FBXL7: variants seen among roughly 807,000 people sequenced by gnomAD.
FBXL7 encodes F-box and leucine rich repeat protein 7, also known as F-box/LRR-repeat protein 7.
FBXL7 carries 12 observed loss-of-function variants against 38.3 expected under a neutral mutation model. The ratio of observed to expected loss-of-function variants is 0.31; its 90% CI spans 0.20 to 0.51. The LOEUF (loss-of-function observed/expected upper bound fraction) is 0.51, where lower values mean the gene tolerates loss of function less well. Among genes scored for constraint, FBXL7 ranks in the 20% least tolerant of loss-of-function variants. The probability of loss-of-function intolerance (pLI) is 0.98; values close to 1 mark genes in which losing one functional copy is unlikely to be tolerated. For missense variants in FBXL7, 567 were observed against 676.4 expected (o/e 0.84, Z 1.79); for synonymous variants, 297 against 300.9 (o/e 0.99, Z 0.13).
intron 2 of FBXL7, among the ~76,000 whole-genome samples, chr5:15,707,461 G>A (rs568806849): frequency 6.6e-6 from 1 of 152,038 alleles, no homozygotes; most frequent in African/African-American, 2.4e-5. Context: ...TTACATATTT[G>A]TGACACCTAG....
chr5:15,717,105 A>T (rs1482973906), intron 2 of FBXL7, among the ~76,000 whole-genome samples: 2 of 152,216 alleles, frequency 1.3e-5, no homozygotes, highest in East Asian at 3.8e-4. Context: ...TATTATCTTC[A>T]AAGACTTACA....
At chr5:15,834,974 A>G (rs561840827) in intron 2 of FBXL7, among the ~76,000 whole-genome samples, 1 of 152,218 alleles carries the variant, frequency 6.6e-6, no homozygotes, top group Non-Finnish European at 1.5e-5. Context: ...TGTTAATCAC[A>G]TATCAGTAGG....
intron 1 of FBXL7, among the ~76,000 whole-genome samples, chr5:15,538,200 T>C (rs910392865): frequency 2.0e-5 from 3 of 152,194 alleles, no homozygotes; most frequent in African/African-American, 7.2e-5. Context: ...GAGTCCTGCT[T>C]ATTCAGTATG....
At chr5:15,592,778 CAG>C (rs1739521691) in intron 1 of FBXL7, among the ~76,000 whole-genome samples, 1 of 152,106 alleles carries the variant, frequency 6.6e-6, no homozygotes, top group Admixed American at 6.5e-5. Flanking sequence ...TTAGGTCACA[CAG>C]AGAAAAGAAG....
At chr5:15,833,344 C>T (rs898297187) in intron 2 of FBXL7, among the ~76,000 whole-genome samples, 3 of 152,058 alleles carry the variant, frequency 2.0e-5, no homozygotes, top group African/African-American at 7.2e-5. Flanking sequence ...TAAGGGCACT[C>T]GTCTCATTCA....
intron 2 of FBXL7, among the ~76,000 whole-genome samples, chr5:15,848,118 CTCCA>C (rs1221870828): frequency 5.9e-5 from 9 of 152,272 alleles, no homozygotes; most frequent in South Asian, 2.1e-4. Flanking sequence ...CAGGCAGATA[CTCCA>C]TCCAGCAGTT....
chr5:15,741,143 A>T (rs1178706832), intron 2 of FBXL7, among the ~76,000 whole-genome samples: 1 of 152,306 alleles, frequency 6.6e-6, no homozygotes, highest in East Asian at 1.9e-4. Context: ...TCATTATAGA[A>T]AATCTTTATA....
At chr5:15,864,599 T>A (rs1417901183) in intron 2 of FBXL7, among the ~76,000 whole-genome samples, 1 of 152,138 alleles carries the variant, frequency 6.6e-6, no homozygotes, top group Admixed American at 6.5e-5. Flanking sequence ...GAAAATAAGA[T>A]TATCTGTTAG....
chr5:15,570,073 A>T (rs1216446385), intron 1 of FBXL7, among the ~76,000 whole-genome samples: 2 of 152,172 alleles, frequency 1.3e-5, no homozygotes, highest in Non-Finnish European at 2.9e-5. Context: ...TGTCTCTGCC[A>T]GGCTTTGGTA....
At chr5:15,556,641 G>T (rs1738247097) in intron 1 of FBXL7, among the ~76,000 whole-genome samples, 1 of 152,112 alleles carries the variant, frequency 6.6e-6, no homozygotes, top group African/African-American at 2.4e-5. Context: ...ACATATATGG[G>T]AGTACTCAGA....
chr5:15,795,903 A>G (rs1458155865), intron 2 of FBXL7, among the ~76,000 whole-genome samples: 1 of 152,248 alleles, frequency 6.6e-6, no homozygotes, highest in African/African-American at 2.4e-5. Flanking sequence ...AAAGGGAGCT[A>G]CATCTTAAAA....
intron 1 of FBXL7, among the ~76,000 whole-genome samples, chr5:15,607,960 A>G (rs1740086045): frequency 1.3e-5 from 2 of 152,240 alleles, no homozygotes; most frequent in South Asian, 4.1e-4. Context: ...TGACCAGCAC[A>G]GTTCCAGTGT....
intron 1 of FBXL7, among the ~76,000 whole-genome samples, chr5:15,598,599 A>AT (rs1359045714): frequency 5.9e-5 from 9 of 151,698 alleles, no homozygotes; most frequent in South Asian, 2.1e-4. Flanking sequence ...TCCTTACCTG[A>AT]TTTTTTTTGT....
chr5:15,783,594 G>C (rs1737056582), intron 2 of FBXL7, among the ~76,000 whole-genome samples: 2 of 152,126 alleles, frequency 1.3e-5, no homozygotes, highest in Non-Finnish European at 2.9e-5. Flanking sequence ...GGAGTAGCAA[G>C]AAAACCAAGG....
intron 2 of FBXL7, among the ~76,000 whole-genome samples, chr5:15,820,974 T>C (rs1738153408): frequency 2.6e-5 from 4 of 152,174 alleles, no homozygotes; most frequent in Admixed American, 2.6e-4. Context: ...CCCAGTGTCA[T>C]GGTCTGCGGT....
chr5:15,631,556 G>C (rs1257580135), intron 2 of FBXL7, among the ~76,000 whole-genome samples: 5 of 150,522 alleles, frequency 3.3e-5, no homozygotes, highest in African/African-American at 1.2e-4. Context: ...AATTAGCCAG[G>C]CATGGGACAG....
At chr5:15,809,276 T>G (rs1470966397) in intron 2 of FBXL7, among the ~76,000 whole-genome samples, 1 of 152,196 alleles carries the variant, frequency 6.6e-6, no homozygotes, top group Non-Finnish European at 1.5e-5. Flanking sequence ...TCCATGCCTT[T>G]GAACTTGCAG....
chr5:15,727,559 A>G (rs1735441035), intron 2 of FBXL7, among the ~76,000 whole-genome samples: 1 of 152,116 alleles, frequency 6.6e-6, no homozygotes, highest in Non-Finnish European at 1.5e-5. Context: ...GCTGTCCTCT[A>G]AAGTTTCTGA....
chr5:15,673,337 A>G (rs925214259), intron 2 of FBXL7, among the ~76,000 whole-genome samples: 3 of 152,142 alleles, frequency 2.0e-5, no homozygotes, highest in Admixed American at 2.0e-4. Flanking sequence ...AAAAAGAAAA[A>G]AAACCATTGA....
Sources: allele counts gnomAD v4.1 joint callset (sites outside exome capture counted in the v4.1 genomes callset), GRCh38; gene constraint gnomAD v4.1.1; transcripts MANE v1.5; gene names NCBI Gene and HGNC (gene_info 2026-07-23, HGNC 2026-07-21).